The following VPS13B variants were observed in gnomAD, a reference collection of about 807,000 sequenced individuals.
VPS13B encodes intermembrane lipid transfer protein VPS13B.
VPS13B carries 285 observed loss-of-function variants against 426.4 expected under a neutral mutation model. The observed-to-expected ratio is 0.67, with a 90% confidence interval of 0.61 to 0.74. The LOEUF (loss-of-function observed/expected upper bound fraction) is 0.74. Ranked by LOEUF, VPS13B falls within the 30% of genes least tolerant of loss-of-function variation. VPS13B has a pLI of 0.00. For missense variants in VPS13B, 4,537 were observed against 4,782.6 expected, an observed-to-expected ratio of 0.95 and a Z score of 1.51; for synonymous variants, 1,676 against 1,676.4, an observed-to-expected ratio of 1.00 and a Z score of 0.01.
intron 33 of VPS13B, among the ~76,000 whole-genome samples, chr8:99,602,704 T>C (rs1476407416): frequency 1.1e-4 from 16 of 151,688 alleles, no homozygotes; most frequent in East Asian, 3.9e-4. Flanking sequence ...ACAAAATCAA[T>C]GTGCAAAAAT....
chr8:99,436,797 GGTGT>G (rs1817401872), intron 22 of VPS13B, among the ~76,000 whole-genome samples: 1 of 152,100 alleles, frequency 6.6e-6, no homozygotes, highest in South Asian at 2.1e-4. Flanking sequence ...GGAGTGCAGT[GGTGT>G]GATCTCGGCT....
intron 15 of VPS13B, among the ~76,000 whole-genome samples, chr8:99,169,421 T>G (rs1216702311): frequency 2.0e-5 from 3 of 152,044 alleles, no homozygotes; most frequent in Non-Finnish European, 4.4e-5. Flanking sequence ...TAGTATGGTC[T>G]GCTTGCTTTA....
At chr8:99,091,920 C>T (rs1248775315) in intron 3 of VPS13B, 1 of 152,240 alleles carries the variant, frequency 6.6e-6, no homozygotes, top group Admixed American at 6.6e-5. Flanking sequence ...TACATCACCT[C>T]TTAGTTTCAC....
chr8:99,257,315 T>G (rs2132940013), intron 17 of VPS13B, among the ~76,000 whole-genome samples: 1 of 152,306 alleles, frequency 6.6e-6, no homozygotes, highest in Non-Finnish European at 1.5e-5. Context: ...ATTGGAATCT[T>G]GGTTGCACAC....
intron 21 of VPS13B, among the ~76,000 whole-genome samples, chr8:99,427,286 T>C (rs2133396593): frequency 8.9e-6 from 1 of 112,666 alleles, no homozygotes; most frequent in Admixed American, 9.9e-5. Context: ...TCTGTTTTGG[T>C]ACCAGTACCA....
intron 54 of VPS13B, among the ~76,000 whole-genome samples, chr8:99,836,905 A>G (rs550537407): frequency 8.5e-5 from 13 of 152,350 alleles, no homozygotes; most frequent in African/African-American, 2.9e-4. Context: ...TAAGACCTCC[A>G]GAAGTACCTT....
chr8:99,775,633 C>T (rs573692504), intron 40 of VPS13B, among the ~76,000 whole-genome samples: 1 of 152,326 alleles, frequency 6.6e-6, no homozygotes, highest in Non-Finnish European at 1.5e-5. Flanking sequence ...ATTGGTGGCT[C>T]ATGCCTGTAA....
intron 19 of VPS13B, among the ~76,000 whole-genome samples, chr8:99,302,034 G>A (rs1043140135): frequency 3.3e-5 from 5 of 152,126 alleles, no homozygotes; most frequent in African/African-American, 1.2e-4. Flanking sequence ...AAATAAGAGA[G>A]CTCTGGAGCT....
At chr8:99,181,342 G>C (rs923307741) in intron 16 of VPS13B, among the ~76,000 whole-genome samples, 8 of 152,138 alleles carry the variant, frequency 5.3e-5, no homozygotes, top group African/African-American at 9.7e-5. Context: ...AGGTAAAAAG[G>C]CTGGGCTATT....
chr8:99,853,585 C>T lies in VPS13B; in HGVS notation c.10196C>T (p.Ala3399Val), dbSNP rs763989294. 1.2e-6 allele frequency: 2 copies of T among 1,614,194 alleles called. No individual in the cohort carries two copies. The highest frequency in any genetic ancestry group is 4.5e-5 in the East Asian group (2 of 44,884). Residue 3399 changes from alanine to valine, a missense_variant, in exon 56 of 62, where the codon GCC (alanine) becomes GTC (valine). Physicochemically the swap from Ala to Val is moderately conservative, Grantham distance 64. Coordinates refer to ENST00000357162, the MANE Select transcript of VPS13B (RefSeq NM_152564.5). ...LTLDNIFLCV[A>V]PGAGPLPGEE... ...CTGGACAACATTTTTCTCTGTGTGGCCCCGGGAGCTGGTCCCCTCCCTGGG... is the reference window on the plus strand; with the variant it reads ...CTGGACAACATTTTTCTCTGTGTGGTCCCGGGAGCTGGTCCCCTCCCTGGG...
intron 19 of VPS13B, among the ~76,000 whole-genome samples, chr8:99,309,113 T>G (rs557100552): frequency 1.3e-5 from 2 of 152,358 alleles, no homozygotes; most frequent in East Asian, 3.9e-4. Context: ...TGCAAAAATT[T>G]TCTCCCATTC....
At chr8:99,703,018 A>G (rs1832347951) in intron 36 of VPS13B, among the ~76,000 whole-genome samples, 2 of 152,150 alleles carry the variant, frequency 1.3e-5, no homozygotes, top group Admixed American at 6.5e-5. Context: ...CTAAACTGTC[A>G]TAAGCTTACA....
rs562610804 is a variant in VPS13B at position 99,280,004 on chromosome 8, C to T, written c.2824+4750C>T. On this transcript the variant is annotated intron_variant, in intron 19 of 61. Transcript: ENST00000357162. ...CAGGAAGGTCTCGATCTCCTGACCT[C>T]GTGATCCACCTGCCTCTGCCTGCCA... Among the ~76,000 whole-genome samples, 15 of 152,284 alleles carry T rather than the reference C, an allele frequency of 9.9e-5. 1 individual carries two copies. The South Asian group carries it at 2.3e-3, about 23-fold the overall frequency.
intron 43 of VPS13B, 132 bp downstream of exon 43, chr8:99,784,608 G>A: frequency 1.6e-6 from 2 of 1,223,100 alleles, no homozygotes; most frequent in Non-Finnish European, 2.4e-6. Flanking sequence ...TACATCTGAC[G>A]GAAACCCAAG....
At chr8:99,072,267 C>T (rs1289640063) in intron 3 of VPS13B, among the ~76,000 whole-genome samples, 1 of 152,180 alleles carries the variant, frequency 6.6e-6, no homozygotes, top group Admixed American at 6.5e-5. Flanking sequence ...TGTTTATCCA[C>T]TGCCCAAGGG....
chr8:99,442,460 A>G lies in VPS13B; in HGVS notation c.3270A>G (p.Thr1090=), dbSNP rs1307720386. Residue 1090 remains threonine, a synonymous_variant, in exon 23 of 62, where the codon ACA becomes ACG. Transcript: ENST00000357162. ...IPNDSLPSPS[T]IVSGDIPGTV... ...ATGATAGCCTGCCTTCCCCAAGTAC[A>G]ATTGTATCTGGTGACATTCCTGGAA... 3 of 1,613,828 alleles carry G rather than the reference A, an allele frequency of 1.9e-6. No individual in the cohort carries two copies. Among genetic ancestry groups the G allele is most frequent in the African/African-American group, 2.7e-5 (2 of 74,902 alleles).
intron 2 of VPS13B, among the ~76,000 whole-genome samples, chr8:99,016,631 GC>G (rs1354148055): frequency 2.8e-5 from 3 of 107,824 alleles, no homozygotes; most frequent in African/African-American, 1.1e-4. Flanking sequence ...TCGCTCTGTT[GC>G]CCAGGCTGGA....
chr8:99,233,588 A>G (rs1257690924), intron 17 of VPS13B: 2 of 1,227,084 alleles, frequency 1.6e-6, no homozygotes, highest in Non-Finnish European at 2.4e-6. Context: ...AACAGCCAGC[A>G]TATCATTTTC....
rs551905693 is a variant in VPS13B, at chr8:99,311,765, T to A, written c.2824+36511T>A. Among the ~76,000 whole-genome samples, 4 of 152,298 alleles carry A rather than the reference T, an allele frequency of 2.6e-5. No homozygotes were observed. In the South Asian group the frequency reaches 8.3e-4, roughly 32 times the overall value. ...TCATTGATCTGTCTAATGTTGATAG[T>A]GGGGTGTTATAGTCTCCCATTATTA... On this transcript the variant is annotated intron_variant, in intron 19 of 61. Transcript: ENST00000357162.
Sources: allele counts gnomAD v4.1 joint callset (sites outside exome capture counted in the v4.1 genomes callset), GRCh38; gene constraint gnomAD v4.1.1; transcripts MANE v1.5; gene names NCBI Gene and HGNC (gene_info 2026-07-23, HGNC 2026-07-21).